Variants in CREB5 observed in about 807,000 individuals in gnomAD.
CREB5 encodes the protein cAMP responsive element binding protein 5, also known as cyclic AMP-responsive element-binding protein 5.
CREB5 carries 19 observed loss-of-function variants against 57.1 expected under a neutral mutation model. The observed-to-expected ratio is 0.33, with a 90% CI of 0.23 to 0.49. The LOEUF is 0.49. Ranked by LOEUF, CREB5 falls within the 20% of genes least tolerant of loss-of-function variation. The pLI, the probability that CREB5 is intolerant of heterozygous loss-of-function variation, is 0.99. For synonymous variants in CREB5, 238 were observed against 238.3 expected (o/e 1.00, Z 0.01); for missense variants, 579 against 671.6 (o/e 0.86, Z 1.52).
At chr7:28,754,851 T>G (rs914575900) in intron 7 of CREB5, among the ~76,000 whole-genome samples, 13 of 152,170 alleles carry the variant, frequency 8.5e-5, no homozygotes, top group African/African-American at 3.1e-4. Context: ...TTCCAAGATA[T>G]GGGTACTACG....
chr7:28,366,492 G>T (rs1786589821), intron 1 of CREB5, among the ~76,000 whole-genome samples: 1 of 152,020 alleles, frequency 6.6e-6, no homozygotes, highest in Admixed American at 6.6e-5. Flanking sequence ...TCCATATTTT[G>T]TCTTTTTAAA....
intron 4 of CREB5, among the ~76,000 whole-genome samples, chr7:28,548,990 A>C (rs1794520365): frequency 6.6e-6 from 1 of 152,244 alleles, no homozygotes; most frequent in Non-Finnish European, 1.5e-5. Context: ...TAATACACAG[A>C]TATTAAAAGA....
chr7:28,332,153 A>T (rs905800320), intron 1 of CREB5, among the ~76,000 whole-genome samples: 9 of 152,288 alleles, frequency 5.9e-5, no homozygotes, highest in African/African-American at 1.9e-4. Flanking sequence ...GATTGGAGTG[A>T]TGCGGCTGCA....
At chr7:28,511,451 G>A (rs550708440) in intron 4 of CREB5, among the ~76,000 whole-genome samples, 5 of 152,258 alleles carry the variant, frequency 3.3e-5, no homozygotes, top group Admixed American at 6.5e-5. Flanking sequence ...AGGGGCTTTG[G>A]CTTCAACTGA....
At chr7:28,496,751 C>T (rs1452763828) in intron 3 of CREB5, among the ~76,000 whole-genome samples, 1 of 151,960 alleles carries the variant, frequency 6.6e-6, no homozygotes, top group East Asian at 1.9e-4. Flanking sequence ...AGCATCTGCC[C>T]TTCTCTTCAC....
chr7:28,410,918 C>T, upstream of CREB5: 1 of 275,142 alleles, frequency 3.6e-6, no homozygotes, highest in Admixed American at 4.5e-5. Context: ...CCCTCTCTTC[C>T]CAGCCCCTCC....
chr7:28,784,079 C>T (rs1807158476), intron 7 of CREB5, among the ~76,000 whole-genome samples: 1 of 152,246 alleles, frequency 6.6e-6, no homozygotes. Context: ...ACTGCCGTCA[C>T]TCAGATGACT....
intron 4 of CREB5, among the ~76,000 whole-genome samples, chr7:28,545,321 G>C (rs556940213): frequency 2.6e-5 from 4 of 152,150 alleles, no homozygotes; most frequent in Non-Finnish European, 5.9e-5. Flanking sequence ...CTTGGGGATC[G>C]CATATCTTTT....
chr7:28,699,300 A>G (rs1257595202), intron 5 of CREB5, among the ~76,000 whole-genome samples: 1 of 152,166 alleles, frequency 6.6e-6, no homozygotes, highest in Non-Finnish European at 1.5e-5. Context: ...AAACTAGGAG[A>G]TAACAATGTA....
At chr7:28,623,920 A>T (rs1797897002) in intron 5 of CREB5, among the ~76,000 whole-genome samples, 1 of 152,220 alleles carries the variant, frequency 6.6e-6, no homozygotes, top group Non-Finnish European at 1.5e-5. Context: ...GCCACTTTGT[A>T]ACAGAGATTT....
intron 4 of CREB5, among the ~76,000 whole-genome samples, chr7:28,518,979 T>C (rs901947596): frequency 9.2e-5 from 14 of 152,222 alleles, no homozygotes; most frequent in African/African-American, 3.4e-4. Flanking sequence ...ATCTGAAGAA[T>C]TGACATTAAA....
intron 4 of CREB5, among the ~76,000 whole-genome samples, chr7:28,512,447 C>G (rs1042488943): frequency 3.3e-5 from 5 of 152,098 alleles, no homozygotes; most frequent in African/African-American, 4.8e-5. Context: ...TAGGGAAGCC[C>G]AGCCCTAGCA....
intron 5 of CREB5, among the ~76,000 whole-genome samples, chr7:28,632,238 C>T (rs1394397996): frequency 6.6e-6 from 1 of 152,190 alleles, no homozygotes; most frequent in African/African-American, 2.4e-5. Flanking sequence ...AGTGTTTCCC[C>T]TGATTTCTAG....
chr7:28,560,883 C>CGT (rs1254268339), intron 4 of CREB5, among the ~76,000 whole-genome samples: 221 of 17,254 alleles, frequency 0.013, 26 homozygotes, highest in East Asian at 0.02. Context: ...CGCGTGCGTG[C>CGT]GTGCGTGTGT....
chr7:28,722,683 A>G (rs1803108578), intron 6 of CREB5, among the ~76,000 whole-genome samples: 1 of 152,204 alleles, frequency 6.6e-6, no homozygotes, highest in South Asian at 2.1e-4. Flanking sequence ...GCAAGGCCTC[A>G]AAAAGTTGTA....
chr7:28,485,356 G>A (rs575888369), intron 1 of CREB5, among the ~76,000 whole-genome samples: 1 of 152,110 alleles, frequency 6.6e-6, no homozygotes, highest in East Asian at 1.9e-4. Flanking sequence ...ATGTTACCTG[G>A]TAAGAATAAC....
chr7:28,665,863 C>A (rs1175172773), intron 5 of CREB5, among the ~76,000 whole-genome samples: 1 of 152,020 alleles, frequency 6.6e-6, no homozygotes, highest in African/African-American at 2.4e-5. Context: ...CTGAGGTTAA[C>A]TTACGCAAGT....
intron 5 of CREB5, among the ~76,000 whole-genome samples, chr7:28,677,619 G>A (rs928275133): frequency 2.0e-5 from 3 of 152,224 alleles, no homozygotes; most frequent in Admixed American, 6.5e-5. Flanking sequence ...AGGAGTCAGA[G>A]TGTTCATTAG....
chr7:28,780,480 G>C (rs547533951), intron 7 of CREB5, among the ~76,000 whole-genome samples: 1 of 152,074 alleles, frequency 6.6e-6, no homozygotes. Context: ...CCAGCACTTC[G>C]GGAGACTGAG....
Sources: gnomAD v4.1 joint callset for allele counts (sites outside exome capture counted in the v4.1 genomes callset) on GRCh38, gnomAD v4.1.1 for gene constraint, MANE v1.5 for transcripts, NCBI Gene and HGNC (gene_info 2026-07-23, HGNC 2026-07-21) for gene names.